Variants in DMD observed in about 807,000 individuals in gnomAD.
The protein encoded by DMD is dystrophin.
Under a neutral mutation model 330.1 loss-of-function variants are expected in DMD, and 63 were observed. The observed-to-expected ratio is 0.19, with a 90% CI of 0.16 to 0.24. The LOEUF is 0.24. DMD is among the 10% of genes least tolerant of loss of function. The pLI is 1.00. For synonymous variants in DMD, 1,223 were observed against 959.8 expected (o/e 1.27, Z -5.07); for missense variants, 3,344 against 2,684.1 (o/e 1.25, Z -5.43).
chrX:32,311,776 C>T (rs2097563465), intron 41 of DMD, among the ~76,000 whole-genome samples: 1 of 111,662 alleles, frequency 9.0e-6, no homozygotes, highest in Non-Finnish European at 1.9e-5. Flanking sequence ...AAGCATTTTA[C>T]ACATTTAAAA....
intron 52 of DMD, among the ~76,000 whole-genome samples, chrX:31,722,456 G>T (rs757927115): frequency 2.7e-5 from 3 of 110,828 alleles, no homozygotes; most frequent in Non-Finnish European, 5.7e-5. Flanking sequence ...TCATAAGATT[G>T]TCTTTCACTA....
At chrX:33,255,680 T>C (rs1459409300) in intron 1 of DMD, among the ~76,000 whole-genome samples, 2 of 111,378 alleles carry the variant, frequency 1.8e-5, no homozygotes, top group African/African-American at 6.5e-5. Flanking sequence ...ACAGACTAGA[T>C]GATCTCTCAA....
At chrX:32,693,740 C>G (rs949661372) in intron 9 of DMD, among the ~76,000 whole-genome samples, 116 of 111,860 alleles carry the variant, frequency 1.0e-3, no homozygotes, top group African/African-American at 3.7e-3. Flanking sequence ...ACACCCAGCT[C>G]GCGGTGTAGT....
chrX:32,866,734 T>C (rs929266602), intron 2 of DMD, among the ~76,000 whole-genome samples: 5 of 6,112 alleles, frequency 8.2e-4, no homozygotes, highest in African/African-American at 3.9e-3. Context: ...TGGGGGGGGG[T>C]GGGGGGGTGG....
At chrX:32,642,613 A>G (rs2146793494) in intron 11 of DMD, among the ~76,000 whole-genome samples, 1 of 112,411 alleles carries the variant, frequency 8.9e-6, no homozygotes, top group South Asian at 3.7e-4. Context: ...TTAGAATCAC[A>G]GATAAAAGAC....
chrX:32,471,898 T>A (rs954653164), intron 22 of DMD, among the ~76,000 whole-genome samples: 1 of 111,889 alleles, frequency 8.9e-6, no homozygotes, highest in Non-Finnish European at 1.9e-5. Flanking sequence ...TCAATACATC[T>A]GAAAATGCAT....
chrX:33,291,572 T>C (rs2053511657), intron 1 of DMD, among the ~76,000 whole-genome samples: 1 of 111,656 alleles, frequency 9.0e-6, no homozygotes, highest in African/African-American at 3.2e-5. Context: ...ATAATAATTA[T>C]TATTTCACTG....
chrX:31,481,144 T>C (rs985114043), intron 57 of DMD, among the ~76,000 whole-genome samples: 2 of 112,137 alleles, frequency 1.8e-5, no homozygotes, highest in African/African-American at 6.5e-5. Context: ...AAAGACACTA[T>C]TGCTATCTGG....
intron 43 of DMD, among the ~76,000 whole-genome samples, chrX:32,247,536 G>T (rs1487335504): frequency 8.9e-6 from 1 of 111,800 alleles, no homozygotes; most frequent in African/African-American, 3.3e-5. Context: ...CTTTGTCCTT[G>T]ACATATAAAT....
chrX:32,297,561 C>G (rs964037282), intron 42 of DMD, among the ~76,000 whole-genome samples: 2 of 111,538 alleles, frequency 1.8e-5, no homozygotes, highest in Non-Finnish European at 3.8e-5. Context: ...CGTGAGCCAC[C>G]GCGCCCAGCC....
intron 74 of DMD, among the ~76,000 whole-genome samples, chrX:31,163,223 G>A (rs2039047108): frequency 9.0e-6 from 1 of 111,586 alleles, no homozygotes; most frequent in Admixed American, 9.5e-5. Flanking sequence ...CCCAGTGGGA[G>A]GTAACTGAAT....
Position 32,961,299 on chromosome X carries a change from T to C in DMD, c.93+58840A>G, listed in dbSNP as rs933589926. ...AGGAAAGAGTGCCTGGAATATAATA[T>C]CCACTTAGAAGTTTTTTATGGTATG... On this transcript the variant is annotated intron_variant, in intron 2 of 78. Transcript: ENST00000357033. 2.6e-4 allele frequency among the ~76,000 whole-genome samples: 29 copies of C among 111,141 alleles called. No homozygotes were observed. In the Admixed American group the frequency reaches 2.8e-3, roughly 11 times the overall value.
intron 52 of DMD, among the ~76,000 whole-genome samples, chrX:31,687,540 T>C (rs2082766262): frequency 9.0e-6 from 1 of 111,646 alleles, no homozygotes; most frequent in Non-Finnish European, 1.9e-5. Flanking sequence ...AGAACCCTCA[T>C]GGTGGTGAGG....
chrX:31,225,219 A>C (rs1024748509), intron 63 of DMD, among the ~76,000 whole-genome samples: 5 of 112,380 alleles, frequency 4.4e-5, no homozygotes, highest in Non-Finnish European at 9.4e-5. Flanking sequence ...CTTAAGCTAC[A>C]CTGTAGAGGT....
chrX:31,568,576 G>T (rs931879072), intron 55 of DMD, among the ~76,000 whole-genome samples: 1 of 111,381 alleles, frequency 9.0e-6, no homozygotes, highest in African/African-American at 3.2e-5. Context: ...TAACATTACT[G>T]CTGCTGCTTT....
At chrX:32,730,709 T>G (rs1446506704) in intron 7 of DMD, among the ~76,000 whole-genome samples, 5 of 112,216 alleles carry the variant, frequency 4.5e-5, no homozygotes, top group Admixed American at 1.9e-4. Context: ...ACTAAATATT[T>G]TGAATAATGA....
intron 51 of DMD, among the ~76,000 whole-genome samples, chrX:31,735,415 T>C (rs980833146): frequency 3.6e-5 from 4 of 111,719 alleles, no homozygotes; most frequent in Non-Finnish European, 5.6e-5. Context: ...AAACCTCTCA[T>C]CAGCTCTTCA....
chrX:32,632,281 G>A (rs1217718366), intron 11 of DMD, among the ~76,000 whole-genome samples: 1 of 111,824 alleles, frequency 8.9e-6, no homozygotes, highest in East Asian at 2.8e-4. Context: ...AAGGCCTTGG[G>A]CAGACTCCAA....
chrX:32,301,150 T>C (rs2097522066), intron 42 of DMD, among the ~76,000 whole-genome samples: 1 of 107,749 alleles, frequency 9.3e-6, no homozygotes, highest in Non-Finnish European at 1.9e-5. Flanking sequence ...TTCCATCATA[T>C]TGTTTTACAC....
Sources: allele counts gnomAD v4.1 joint callset (sites outside exome capture counted in the v4.1 genomes callset), GRCh38; gene constraint gnomAD v4.1.1; transcripts MANE v1.5; gene names NCBI Gene and HGNC (gene_info 2026-07-23, HGNC 2026-07-21).